RELN: variants seen among roughly 807,000 people sequenced by gnomAD.
RELN encodes reelin.
In RELN, 108 loss-of-function variants were observed where a neutral mutation model predicts 427.6. The ratio of observed to expected loss-of-function variants is 0.25; its 90% CI spans 0.22 to 0.30. RELN has a LOEUF of 0.30. Among genes scored for constraint, RELN ranks in the 10% least tolerant of loss-of-function variants. The pLI, the probability that RELN is intolerant of heterozygous loss-of-function variation, is 1.00. For missense variants in RELN, 3,715 were observed against 4,302.8 expected (o/e 0.86, Z 3.82); for synonymous variants, 1,524 against 1,513.4 (o/e 1.01, Z -0.16).
chr7:103,608,778 A>G (rs1028860680), intron 22 of RELN, among the ~76,000 whole-genome samples: 1 of 152,174 alleles, frequency 6.6e-6, no homozygotes, highest in African/African-American at 2.4e-5. Flanking sequence ...CTATCTTTTG[A>G]GCTAGAAAAT....
chr7:103,760,746 G>A (rs982746578), intron 4 of RELN, among the ~76,000 whole-genome samples: 27 of 152,112 alleles, frequency 1.8e-4, no homozygotes, highest in African/African-American at 6.5e-4. Context: ...GGAATTCAAA[G>A]GCCCTAGGTA....
intron 41 of RELN, among the ~76,000 whole-genome samples, chr7:103,547,272 A>G (rs1466253601): frequency 6.6e-6 from 1 of 152,216 alleles, no homozygotes; most frequent in Non-Finnish European, 1.5e-5. Flanking sequence ...TGGATAGTAA[A>G]GCGACAGATT....
At chr7:103,624,207 T>C (rs755632309) in intron 20 of RELN, among the ~76,000 whole-genome samples, 6 of 152,164 alleles carry the variant, frequency 3.9e-5, no homozygotes, top group South Asian at 2.1e-4. Context: ...CCATGAAATA[T>C]GAACATATAC....
intron 10 of RELN, among the ~76,000 whole-genome samples, chr7:103,694,190 G>A (rs1346078661): frequency 6.6e-6 from 1 of 152,108 alleles, no homozygotes; most frequent in African/African-American, 2.4e-5. Flanking sequence ...AGTGATGGGG[G>A]AGAAAACACA....
chr7:103,559,964 A>G (rs1024722125), intron 36 of RELN, among the ~76,000 whole-genome samples: 3 of 152,242 alleles, frequency 2.0e-5, no homozygotes, highest in Non-Finnish European at 4.4e-5. Flanking sequence ...AGTCACTCAT[A>G]AAGGGACCTA....
intron 6 of RELN, among the ~76,000 whole-genome samples, chr7:103,729,049 G>A (rs1163506410): frequency 6.6e-6 from 1 of 152,092 alleles, no homozygotes; most frequent in Non-Finnish European, 1.5e-5. Context: ...ACTTGACCTT[G>A]TATATTTACG....
intron 2 of RELN, among the ~76,000 whole-genome samples, chr7:103,861,099 G>A (rs6979719): frequency 0.14 from 21,833 of 152,060 alleles, 1,865 homozygotes; most frequent in East Asian, 0.34. Context: ...CTTGCATAAA[G>A]TGAGGAGGGA....
In RELN at chr7:103,860,029, A is replaced by G. The variant is rs573664304; in HGVS notation, c.338-26357T>C. Among the ~76,000 whole-genome samples, 59 of 152,310 alleles carry G rather than the reference A, an allele frequency of 3.9e-4. No homozygotes were observed. In the South Asian group the frequency reaches 0.012, roughly 32 times the overall value. The stretch of plus-strand genomic sequence containing the variant: ...TAAGCTCTATCCTCTAAAGGCATGT[A>G]GTACAATTACTTCTTTTATTGGCGT... On this transcript the variant is annotated intron_variant, in intron 2 of 64. Coordinates refer to ENST00000428762, the MANE Select transcript of RELN (RefSeq NM_005045.4).
chr7:103,718,332 C>CAAAAAAAAAAAAAAAAAAAAAAAACAAAA (rs11300111), intron 8 of RELN, among the ~76,000 whole-genome samples: 1 of 130,992 alleles, frequency 7.6e-6, no homozygotes, highest in Non-Finnish European at 1.7e-5. Context: ...AACAAAGCAG[C>CAAAAAAAAAAAAAAAAAAAAAAAACAAAA]AAAAAAAAAA....
At chr7:103,527,730 C>A (rs934219474) in intron 46 of RELN, among the ~76,000 whole-genome samples, 2 of 152,198 alleles carry the variant, frequency 1.3e-5, no homozygotes. Context: ...AAATTTCCTC[C>A]ACTAGCCTAT....
chr7:103,919,862 G>T (rs912885045), intron 1 of RELN, among the ~76,000 whole-genome samples: 2 of 152,122 alleles, frequency 1.3e-5, no homozygotes, highest in African/African-American at 4.8e-5. Context: ...AATAATATGG[G>T]ACATGATTTT....
At chr7:103,789,595 C>T (rs1308487247) in intron 3 of RELN, among the ~76,000 whole-genome samples, 1 of 152,162 alleles carries the variant, frequency 6.6e-6, no homozygotes, top group Non-Finnish European at 1.5e-5. Flanking sequence ...CTCATCATCA[C>T]TGGTCATTAG....
chr7:103,866,155 T>C (rs759718998), intron 2 of RELN, among the ~76,000 whole-genome samples: 1 of 152,138 alleles, frequency 6.6e-6, no homozygotes, highest in Non-Finnish European at 1.5e-5. Flanking sequence ...ATAATTCTTT[T>C]AAAAAATAAA....
At chr7:103,740,753 T>C (rs683360) in intron 6 of RELN, among the ~76,000 whole-genome samples, 33,274 of 152,148 alleles carry the variant, frequency 0.22, 4,811 homozygotes, top group African/African-American at 0.41. Context: ...AACTTTTAAA[T>C]TGACCTACCT....
At chr7:103,760,748 C>T (rs1791279243) in intron 4 of RELN, among the ~76,000 whole-genome samples, 1 of 152,060 alleles carries the variant, frequency 6.6e-6, no homozygotes, top group African/African-American at 2.4e-5. Flanking sequence ...AATTCAAAGG[C>T]CCTAGGTAGT....
intron 1 of RELN, among the ~76,000 whole-genome samples, chr7:103,964,285 C>G (rs1796619131): frequency 6.6e-6 from 1 of 152,082 alleles, no homozygotes; most frequent in Non-Finnish European, 1.5e-5. Flanking sequence ...GTAAGTCATT[C>G]CTTTTGTGAT....
At chr7:103,580,578 A>AT (rs973077585) in intron 28 of RELN, among the ~76,000 whole-genome samples, 5 of 152,020 alleles carry the variant, frequency 3.3e-5, no homozygotes, top group South Asian at 2.1e-4. Flanking sequence ...TTAATTAATT[A>AT]TTTTTTTTAT....
chr7:103,987,186 A>G (rs1381552979), intron 1 of RELN, among the ~76,000 whole-genome samples: 1 of 152,162 alleles, frequency 6.6e-6, no homozygotes, highest in African/African-American at 2.4e-5. Flanking sequence ...CAATTCTCAA[A>G]GCTTATAATA....
chr7:103,895,187 G>T (rs955349089), intron 2 of RELN, among the ~76,000 whole-genome samples: 1 of 152,046 alleles, frequency 6.6e-6, no homozygotes, highest in African/African-American at 2.4e-5. Flanking sequence ...GCAGAACTCA[G>T]TGATTATTTA....
Sources: gnomAD v4.1 joint callset for allele counts (sites outside exome capture counted in the v4.1 genomes callset) on GRCh38, gnomAD v4.1.1 for gene constraint, MANE v1.5 for transcripts, NCBI Gene and HGNC (gene_info 2026-07-23, HGNC 2026-07-21) for gene names.